RAD51B: variants seen among roughly 807,000 people sequenced by gnomAD.
The protein encoded by RAD51B is RAD51 paralog B.
A neutral mutation model predicts 42.2 loss-of-function variants in RAD51B; 38 were observed. The observed-to-expected ratio is 0.90, with a 90% CI of 0.70 to 1.18. RAD51B has a LOEUF of 1.18. RAD51B is among the 50% of genes most tolerant of loss of function. The pLI is 0.00. For missense variants in RAD51B, 373 were observed against 400.7 expected (o/e 0.93, Z 0.59); for synonymous variants, 154 against 145.2 (o/e 1.06, Z -0.43).
chr14:68,174,744 C>T (rs2140866964), intron 7 of RAD51B, among the ~76,000 whole-genome samples: 1 of 152,292 alleles, frequency 6.6e-6, no homozygotes, highest in African/African-American at 2.4e-5. Flanking sequence ...GAAATGTTAT[C>T]TTCTCAACGG....
chr14:68,234,693 T>A (rs1270324724), intron 7 of RAD51B, among the ~76,000 whole-genome samples: 1 of 152,208 alleles, frequency 6.6e-6, no homozygotes, highest in Non-Finnish European at 1.5e-5. Flanking sequence ...GTACTTACCA[T>A]GAATGGAGCT....
At chr14:68,195,329 G>T (rs2079347174) in intron 7 of RAD51B, among the ~76,000 whole-genome samples, 1 of 151,976 alleles carries the variant, frequency 6.6e-6, no homozygotes, top group Non-Finnish European at 1.5e-5. Flanking sequence ...TGTTGTTTCA[G>T]TCCTTTCAAA....
chr14:68,302,487 T>C (rs1412503311), intron 8 of RAD51B, among the ~76,000 whole-genome samples: 1 of 45,634 alleles, frequency 2.2e-5, no homozygotes, highest in African/African-American at 4.9e-5. Context: ...GCCCCCGTCA[T>C]GGAATCCAGG....
At chr14:67,999,196 C>T (rs1392616738) in intron 7 of RAD51B, among the ~76,000 whole-genome samples, 1 of 151,898 alleles carries the variant, frequency 6.6e-6, no homozygotes, top group East Asian at 1.9e-4. Context: ...TATATTTTTC[C>T]AGTTTTTTCA....
chr14:68,293,674 A>G (rs781460594), intron 8 of RAD51B, among the ~76,000 whole-genome samples: 1 of 152,096 alleles, frequency 6.6e-6, no homozygotes, highest in Non-Finnish European at 1.5e-5. Context: ...TTCGAGGCTT[A>G]TTTAAAGACT....
At chr14:68,648,766 C>T (rs1285249240) in intron 10 of RAD51B, among the ~76,000 whole-genome samples, 1 of 151,612 alleles carries the variant, frequency 6.6e-6, no homozygotes, top group Non-Finnish European at 1.5e-5. Flanking sequence ...GTTATGTAGC[C>T]TCCTTGGGAC....
chr14:67,852,374 A>G (rs192624267), intron 4 of RAD51B, among the ~76,000 whole-genome samples: 1 of 152,308 alleles, frequency 6.6e-6, no homozygotes, highest in Non-Finnish European at 1.5e-5. Flanking sequence ...CGGGGATCCA[A>G]GGTTGGTGGG....
chr14:67,917,821 T>A (rs1408352597), intron 7 of RAD51B, among the ~76,000 whole-genome samples: 2 of 146,696 alleles, frequency 1.4e-5, no homozygotes, highest in Non-Finnish European at 3.1e-5. Context: ...TTCAGTACTA[T>A]ATATATATAT....
chr14:68,620,585 G>A (rs1290811549), intron 10 of RAD51B, among the ~76,000 whole-genome samples: 2 of 152,206 alleles, frequency 1.3e-5, no homozygotes, highest in Non-Finnish European at 2.9e-5. Flanking sequence ...GCCTATACCT[G>A]ACATTTTTTA....
chr14:67,839,364 A>G (rs978184180), intron 4 of RAD51B, among the ~76,000 whole-genome samples: 2 of 152,136 alleles, frequency 1.3e-5, no homozygotes, highest in African/African-American at 4.8e-5. Context: ...TAATGATTAT[A>G]GGACTACTCA....
chr14:68,359,209 C>T (rs1410774691), intron 8 of RAD51B, among the ~76,000 whole-genome samples: 10 of 151,824 alleles, frequency 6.6e-5, no homozygotes, highest in Non-Finnish European at 1.2e-4. Context: ...CAGACCTGTC[C>T]GAGGGTGGGG....
chr14:67,956,970 C>T (rs2074562195), intron 7 of RAD51B, among the ~76,000 whole-genome samples: 1 of 152,298 alleles, frequency 6.6e-6, no homozygotes, highest in South Asian at 2.1e-4. Flanking sequence ...TCCTTCATCT[C>T]TTCAACAAAC....
intron 8 of RAD51B, among the ~76,000 whole-genome samples, chr14:68,345,958 A>G (rs2082669366): frequency 6.6e-6 from 1 of 152,204 alleles, no homozygotes; most frequent in Admixed American, 6.5e-5. Context: ...CTGGGCAGTT[A>G]TTTGTTTATA....
chr14:67,865,071 C>A lies in RAD51B; in HGVS notation c.384C>A (p.Pro128=). 1 of 1,573,868 alleles carries A rather than the reference C, an allele frequency of 6.4e-7. No individual in the cohort carries two copies. The part of the protein sequence containing the change: ...CIMMSILATL[P]TNMGGLEGAV... ...TGATGAGCATTTTGGCTACATTACC[C>A]ACCAACATGGGAGGATTAGAAGGAG... The change falls in exon 5 of 11, where the codon CCC becomes CCA. Residue 128 remains proline, a synonymous_variant. Coordinates refer to ENST00000471583, the MANE Select transcript of RAD51B (RefSeq NM_133510.4).
At chr14:68,570,035 T>C (rs1889616128) in intron 10 of RAD51B, among the ~76,000 whole-genome samples, 1 of 152,256 alleles carries the variant, frequency 6.6e-6, no homozygotes, top group South Asian at 2.1e-4. Context: ...TAACATTCCT[T>C]TCCTGACAGG....
intron 8 of RAD51B, among the ~76,000 whole-genome samples, chr14:68,313,421 A>G (rs2081998670): frequency 6.6e-6 from 1 of 152,058 alleles, no homozygotes; most frequent in South Asian, 2.1e-4. Flanking sequence ...TCTGTCTTTC[A>G]TGGGTAGCTT....
At chr14:68,497,178 A>C (rs772401738) in intron 10 of RAD51B, 2 of 1,396,484 alleles carry the variant, frequency 1.4e-6, no homozygotes, top group African/African-American at 2.9e-5. Context: ...TCTTGCCAAG[A>C]AAAATCCGCT....
At chr14:68,521,396 A>G (rs1280651129) in intron 10 of RAD51B, among the ~76,000 whole-genome samples, 1 of 152,174 alleles carries the variant, frequency 6.6e-6, no homozygotes, top group Non-Finnish European at 1.5e-5. Flanking sequence ...ACAGCTGGCC[A>G]TGTCTTGGAC....
intron 8 of RAD51B, among the ~76,000 whole-genome samples, chr14:68,301,287 A>G (rs2081729262): frequency 6.6e-6 from 1 of 152,186 alleles, no homozygotes; most frequent in South Asian, 2.1e-4. Context: ...TGTTTAGGTA[A>G]ATGAAGCTAG....
Sources: gnomAD v4.1 joint callset for allele counts (sites outside exome capture counted in the v4.1 genomes callset) on GRCh38, gnomAD v4.1.1 for gene constraint, MANE v1.5 for transcripts, NCBI Gene and HGNC (gene_info 2026-07-23, HGNC 2026-07-21) for gene names.